ING3: variants seen among roughly 807,000 people sequenced by gnomAD.
ING3 encodes inhibitor of growth protein 3.
A neutral mutation model predicts 64.8 loss-of-function variants in ING3; 6 were observed. The ratio of observed to expected loss-of-function variants is 0.09; its 90% confidence interval spans 0.05 to 0.18. The LOEUF (loss-of-function observed/expected upper bound fraction) is 0.18. ING3 is among the 10% of genes least tolerant of loss of function. The pLI, the probability that ING3 is intolerant of heterozygous loss-of-function variation, is 1.00. For synonymous variants in ING3, 170 were observed against 173.7 expected (o/e 0.98, Z 0.17); for missense variants, 310 against 489.7 (o/e 0.63, Z 3.46).
chr7:120,950,969 CG>C (rs1562971039), intron 1 of ING3, 45 bp downstream of exon 1: 2 of 1,427,760 alleles, frequency 1.4e-6, no homozygotes, highest in Admixed American at 3.6e-5. Flanking sequence ...GACGTGCGGG[CG>C]GGCAAGAGCG....
At chr7:120,962,575 G>C (rs1426565866) in intron 4 of ING3, among the ~76,000 whole-genome samples, 1 of 151,862 alleles carries the variant, frequency 6.6e-6, no homozygotes, top group Non-Finnish European at 1.5e-5. Flanking sequence ...TGTATGGTAT[G>C]AAAAAGAAAG....
chr7:120,956,079 TA>T, intron 4 of ING3: 1 of 918,210 alleles, frequency 1.1e-6, no homozygotes, highest in Non-Finnish European at 1.8e-6. Flanking sequence ...TGAGTGATGT[TA>T]AAAGATCGTA....
chr7:120,967,458 G>A (rs956068854), intron 6 of ING3, 71 bp from the exon 7 acceptor site: 3 of 1,113,286 alleles, frequency 2.7e-6, no homozygotes, highest in Non-Finnish European at 3.8e-6. Context: ...ATTTTAACTG[G>A]ATATAAGTAT....
intron 6 of ING3, among the ~76,000 whole-genome samples, chr7:120,967,138 TGTTA>T (rs1372004600): frequency 9.2e-5 from 14 of 152,318 alleles, no homozygotes; most frequent in East Asian, 7.7e-4. Context: ...GTGGATGAAT[TGTTA>T]GTTAGATGAC....
chr7:120,961,696 A>G (rs901313327), intron 4 of ING3, among the ~76,000 whole-genome samples: 1 of 152,210 alleles, frequency 6.6e-6, no homozygotes, highest in African/African-American at 2.4e-5. Flanking sequence ...TTAACAAGTA[A>G]TGTTGGTAGA....
In ING3 at chr7:120,951,255, A is replaced by G; in HGVS notation, c.100+20A>G. On this transcript the variant is annotated intron_variant, in intron 2 of 11. Transcript: ENST00000315870. ...TGCAGAGTAAGTCGGCGCGTCTACT[A>G]CTCCTGTTCGCTGCGCGCGTTCAGT... 1 of 1,612,454 alleles carries G rather than the reference A, an allele frequency of 6.2e-7. No homozygotes were observed. Among genetic ancestry groups the G allele is most frequent in the Non-Finnish European group, 8.5e-7 (1 of 1,178,776 alleles).
At chr7:120,955,488 A>G (rs1795832291) in intron 3 of ING3, 71 bp from the exon 4 acceptor site, 1 of 978,784 alleles carries the variant, frequency 1.0e-6, no homozygotes, top group African/African-American at 1.6e-5. Context: ...ATGAAAATGC[A>G]GTTGTATGTC....
chr7:120,964,406 C>A (rs1312907102), intron 4 of ING3, among the ~76,000 whole-genome samples: 2 of 152,036 alleles, frequency 1.3e-5, no homozygotes, highest in Non-Finnish European at 2.9e-5. Flanking sequence ...GAAAAGTGAC[C>A]AGCCTCCACC....
At chr7:120,958,957 T>C (rs1795890439) in intron 4 of ING3, among the ~76,000 whole-genome samples, 1 of 152,262 alleles carries the variant, frequency 6.6e-6, no homozygotes, top group Non-Finnish European at 1.5e-5. Context: ...ATTTAATGAA[T>C]TCTTTATTGC....
chr7:120,968,188 CG>C, intron 8 of ING3, 97 bp downstream of exon 8: 1 of 1,060,294 alleles, frequency 9.4e-7, no homozygotes, highest in Non-Finnish European at 1.3e-6. Flanking sequence ...AGTTTTCTAA[CG>C]TTGTATATTT....
chr7:120,961,430 A>C (rs999703179), intron 4 of ING3, among the ~76,000 whole-genome samples: 2 of 152,232 alleles, frequency 1.3e-5, no homozygotes, highest in African/African-American at 4.8e-5. Context: ...CCGATAGGGC[A>C]AGCTAGACAT....
At chr7:120,951,390 C>A (rs1402855954) in intron 2 of ING3, among the ~76,000 whole-genome samples, 155 bp downstream of exon 2, 1 of 152,218 alleles carries the variant, frequency 6.6e-6, no homozygotes, top group Non-Finnish European at 1.5e-5. Flanking sequence ...CCCTGAATCT[C>A]GCCTTCCCCT....
Position 120,953,390 on chromosome 7 carries a change from G to C in ING3, c.187G>C (p.Ala63Pro). 2 of 1,595,918 alleles carry C rather than the reference G, an allele frequency of 1.3e-6. No homozygotes were observed. Among genetic ancestry groups the C allele is most frequent in the Non-Finnish European group, 1.7e-6 (2 of 1,168,252 alleles). ...NKPEWREEQM[A>P]SIKKDYYKAL... Reference sequence around the variant, plus strand: ...ACCTGAGTGGAGGGAAGAGCAAATGGCATCCATCAAAAAAGTATGTGCAAC... The same window carrying C: ...ACCTGAGTGGAGGGAAGAGCAAATGCCATCCATCAAAAAAGTATGTGCAAC... The change falls in exon 3 of 12, where the codon GCA (alanine) becomes CCA (proline). Residue 63 changes from alanine to proline, a missense_variant. Transcript: ENST00000315870.
chr7:120,970,795 C>T lies in ING3; in HGVS notation c.1016C>T (p.Thr339Ile). ...GTTGTACAAGAAATCTCTCAACAAA[C>T]AACTGTAGTGCCAGAATCTGATTCA... Reference protein sequence around the residue: ...STVVQEISQQTTVVPESDSNS... With the variant: ...STVVQEISQQITVVPESDSNS... Residue 339 changes from threonine to isoleucine, a missense_variant, in exon 10 of 12, where the codon ACA becomes ATA. Transcript: ENST00000315870. 1.9e-6 allele frequency: 3 copies of T among 1,613,396 alleles called. No individual in the cohort carries two copies. Among genetic ancestry groups the T allele is most frequent in the East Asian group, 2.2e-5 (1 of 44,846 alleles).
In ING3 at chr7:120,950,850, CAAAT is replaced by C. The variant is rs756556445; in HGVS notation, c.-43_-40del. On this transcript the variant is annotated 5_prime_UTR_variant, in exon 1 of 12. Transcript: ENST00000315870. ...AAAACTCCGGCGACAGCGAGTGACACAAATAAACCCCTGGACCCCCTTGTTCCCT... is the reference window on the plus strand; with the variant it reads ...AAAACTCCGGCGACAGCGAGTGACACAAACCCCTGGACCCCCTTGTTCCCT... 114 of 1,597,868 alleles carry C rather than the reference CAAAT, an allele frequency of 7.1e-5. No individual in the cohort carries two copies. Among genetic ancestry groups the C allele is most frequent in the East Asian group, 9.1e-5 (4 of 44,022 alleles).
intron 1 of ING3, 101 bp downstream of exon 1, chr7:120,951,025 G>C (rs1795753200): frequency 6.7e-7 from 1 of 1,500,948 alleles, no homozygotes; most frequent in Non-Finnish European, 9.3e-7. Flanking sequence ...GGGCGGCGGG[G>C]GATGTTTCTT....
At chr7:120,958,177 A>C (rs1584989311) in intron 4 of ING3, among the ~76,000 whole-genome samples, 5 of 133,506 alleles carry the variant, frequency 3.7e-5, no homozygotes, top group East Asian at 2.1e-4. Context: ...TTCTGCCCCC[A>C]CCTTTGCTCT....
intron 4 of ING3, chr7:120,956,737 A>G: frequency 4.1e-6 from 4 of 980,936 alleles, no homozygotes; most frequent in Non-Finnish European, 4.9e-6. Flanking sequence ...ATGTCTATAA[A>G]CTTAGAAAAA....
intron 4 of ING3, among the ~76,000 whole-genome samples, chr7:120,961,812 CTT>C (rs970144246): frequency 5.3e-5 from 8 of 152,060 alleles, no homozygotes; most frequent in Non-Finnish European, 8.8e-5. Flanking sequence ...GGCAAGGAAA[CTT>C]TGTTTATAGC....
Sources: allele counts gnomAD v4.1 joint callset (sites outside exome capture counted in the v4.1 genomes callset), GRCh38; gene constraint gnomAD v4.1.1; transcripts MANE v1.5; gene names NCBI Gene and HGNC (gene_info 2026-07-23, HGNC 2026-07-21).